DOCK6: variants seen among roughly 807,000 people sequenced by gnomAD.
DOCK6 encodes dedicator of cytokinesis 6.
Under a neutral mutation model 230.3 loss-of-function variants are expected in DOCK6, and 167 were observed. The ratio of observed to expected loss-of-function variants is 0.73; its 90% CI spans 0.64 to 0.82. The LOEUF (loss-of-function observed/expected upper bound fraction) is 0.82, where lower values mean the gene tolerates loss of function less well. Ranked by LOEUF, DOCK6 falls within the 40% of genes least tolerant of loss-of-function variation. The pLI is 0.00. For synonymous variants in DOCK6, 1,148 were observed against 1,185.0 expected, an observed-to-expected ratio of 0.97 and a Z score of 0.64; for missense variants, 2,598 against 2,825.8, an observed-to-expected ratio of 0.92 and a Z score of 1.83.
chr19:11,213,621 T>TC (rs1465999351), intron 34 of DOCK6, among the ~76,000 whole-genome samples: 1 of 151,576 alleles, frequency 6.6e-6, no homozygotes, highest in Non-Finnish European at 1.5e-5. Flanking sequence ...CCTTTTTTTT[T>TC]TTTTTTTTTG....
At chr19:11,241,801 G>A (rs2079950319) in intron 14 of DOCK6, 5 of 1,505,394 alleles carry the variant, frequency 3.3e-6, no homozygotes, top group South Asian at 1.2e-5. Flanking sequence ...AGGGCGCCGG[G>A]CCCCACTTCT....
chr19:11,237,030 G>A (rs1324307892), intron 18 of DOCK6, 151 bp from the exon 19 acceptor site: 1 of 722,824 alleles, frequency 1.4e-6, no homozygotes, highest in African/African-American at 1.8e-5. Flanking sequence ...GGTCCCAGTA[G>A]ACTGAGAGGG....
intron 47 of DOCK6, 49 bp from the exon 48 acceptor site, chr19:11,199,588 C>T (rs375871462): frequency 7.6e-5 from 117 of 1,538,096 alleles, no homozygotes; most frequent in Middle Eastern, 6.7e-4. Context: ...GCCCCCAACT[C>T]CATAGACCTC....
intron 30 of DOCK6, among the ~76,000 whole-genome samples, chr19:11,216,489 C>T (rs575712378): frequency 1.0e-3 from 154 of 151,976 alleles, no homozygotes; most frequent in Admixed American, 2.1e-3. Context: ...CTCACTGCAA[C>T]CTCCACCTCC....
rs757786510 is a variant in DOCK6 at position 11,243,318 on chromosome 19, G to A, written c.1326C>T (p.Asp442=). 1.4e-5 allele frequency: 22 copies of A among 1,600,732 alleles called. No homozygotes were observed. The highest frequency in any genetic ancestry group is 1.8e-5 in the Non-Finnish European group (21 of 1,174,464). ...GPQDRASSGD[D]ACSFSGFRPA... ...GACGGAAGCCAGAGAAGCTGCAGGC[G>A]TCGTCCCCACTACTCGCCCGGTCCT... Residue 442 remains aspartate, a synonymous_variant, in exon 12 of 48, where the codon GAC becomes GAT. Transcript: ENST00000294618. The surrounding 1 kb of genome is among the most constrained non-coding windows in gnomAD (Gnocchi z 6.3).
rs529575712 is a variant in DOCK6, at chr19:11,242,398, G to C, written c.1481-191C>G. Among the ~76,000 whole-genome samples the C allele has an allele frequency of 4.0e-5, 6 of 151,800 alleles. No homozygotes were observed. In the East Asian group the frequency reaches 1.2e-3, roughly 29 times the overall value. On this transcript the variant is annotated intron_variant, in intron 13 of 47. Coordinates refer to ENST00000294618, the MANE Select transcript of DOCK6 (RefSeq NM_020812.4). The stretch of plus-strand genomic sequence containing the variant: ...TCACCCTAAATTTTTTTTCGTTTTT[G>C]TTTTTCTTTTTTTTAAGTGGAGTCA...
At chr19:11,254,183 C>G (rs941964083) in intron 1 of DOCK6, 1 of 155,876 alleles carries the variant, frequency 6.4e-6, no homozygotes, top group African/African-American at 2.4e-5. Flanking sequence ...CCTCAGTTTA[C>G]CCTTCTGTAG....
In DOCK6 at chr19:11,200,772, G is replaced by C. The variant is rs1238926990; in HGVS notation, c.5883C>G (p.Pro1961=). 6.2e-7 allele frequency: 1 copy of C among 1,613,456 alleles called. No individual in the cohort carries two copies. Among genetic ancestry groups the C allele is most frequent in the Non-Finnish European group, 8.5e-7 (1 of 1,179,612 alleles). ...ATTTGTTGTGATGCCGGAAGAGCTT[G>C]GGGTCTTCCGGGATCTCTGCTAAAA... ...QVFLAEIPED[P]KLFRHHNKLR... is the part of the protein sequence containing the mutation. Residue 1961 remains proline (P), a synonymous_variant, in exon 46 of 48, where the codon CCC becomes CCG. Transcript: ENST00000294618. This position sits in a 1 kb window ranked among gnomAD's most constrained non-coding sequence, Gnocchi z 4.3.
intron 41 of DOCK6, chr19:11,203,736 G>T: frequency 2.5e-6 from 1 of 403,958 alleles, no homozygotes; most frequent in East Asian, 4.4e-5. Context: ...AGAGCCACGT[G>T]ATAGACTGGG....
In DOCK6 at chr19:11,222,741, G is replaced by C. The variant is rs752151606; in HGVS notation, c.3234C>G (p.Thr1078=). The part of the protein sequence containing the change: ...ASPSPSVSST[T]SQSSTFSSQA... Reference sequence around the variant, plus strand: ...AGAAGTGAAGGCAGCCCACCTGGGAGGTGGTGGAGGACACAGAGGGGGAGG... The same window carrying C: ...AGAAGTGAAGGCAGCCCACCTGGGACGTGGTGGAGGACACAGAGGGGGAGG... Residue 1078 remains threonine, a synonymous_variant, in exon 26 of 48, where the codon ACC becomes ACG. Transcript: ENST00000294618. The surrounding 1 kb of genome is among the most constrained non-coding windows in gnomAD (Gnocchi z 4.0). 5 of 1,569,318 alleles carry C rather than the reference G, an allele frequency of 3.2e-6. No homozygotes were observed. Among genetic ancestry groups the C allele is most frequent in the Non-Finnish European group, 3.5e-6 (4 of 1,156,490 alleles).
chr19:11,211,700 A>G (rs2079388981), intron 37 of DOCK6, 76 bp downstream of exon 37: 1 of 1,196,286 alleles, frequency 8.4e-7, no homozygotes. Context: ...CTCCTTAGAC[A>G]TCTACTCTCA....
intron 34 of DOCK6, 67 bp from the exon 35 acceptor site, chr19:11,213,395 C>A: frequency 6.4e-7 from 1 of 1,555,318 alleles, no homozygotes. Context: ...GGGGACTGGC[C>A]CAAATGAGGA....
chr19:11,245,470 T>G (rs2080017107), intron 9 of DOCK6, 93 bp downstream of exon 9: 1 of 1,330,380 alleles, frequency 7.5e-7, no homozygotes, highest in African/African-American at 1.5e-5. Flanking sequence ...CTGATTACCC[T>G]TCTTGGTGAT....
chr19:11,250,840 G>C, intron 6 of DOCK6, 34 bp downstream of exon 6: 1 of 1,583,512 alleles, frequency 6.3e-7, no homozygotes. Flanking sequence ...CCCAGTAAAT[G>C]CTGGTTGGCT....
At position 11,253,694 on chromosome 19, in the gene DOCK6, G is replaced by C; in HGVS notation, c.77C>G (p.Ser26Cys). The change falls in exon 2 of 48, where the codon TCC becomes TGC. Residue 26 changes from serine (S) to cysteine (C), a missense_variant. Coordinates refer to ENST00000294618, the MANE Select transcript of DOCK6 (RefSeq NM_020812.4). ...GTGGGGGGAGCCACTGCGTTCCCGG[G>C]ACACCTGCTTCCGCACCTCTGCGGC... ...TVAAEVRKQVSRERSGSPHSS... is the reference protein window; with the variant it reads ...TVAAEVRKQVCRERSGSPHSS... 6 of 1,472,386 alleles carry C rather than the reference G, an allele frequency of 4.1e-6. No individual in the cohort carries two copies. Among genetic ancestry groups the C allele is most frequent in the Non-Finnish European group, 5.4e-6 (6 of 1,119,490 alleles). 91.2% of individuals were successfully genotyped at this position (1,472,386 alleles called of 1,614,324 possible).
intron 18 of DOCK6, 168 bp from the exon 19 acceptor site, chr19:11,237,047 G>A: frequency 1.5e-6 from 1 of 653,690 alleles, no homozygotes; most frequent in East Asian, 2.8e-5. Flanking sequence ...AGGGTCCACT[G>A]GGCAGGCTGG....
intron 13 of DOCK6, 112 bp downstream of exon 13, chr19:11,242,947 C>G: frequency 8.1e-7 from 1 of 1,233,754 alleles, no homozygotes; most frequent in South Asian, 1.2e-5. Context: ...ATTTGTCCAT[C>G]ATGGTCATCG....
In DOCK6 at chr19:11,200,448, T is replaced by C; in HGVS notation, c.5961A>G (p.Lys1987=). The change falls in exon 47 of 48, where the codon AAA becomes AAG. Residue 1987 remains lysine, a synonymous_variant. Transcript: ENST00000294618. The surrounding 1 kb of genome is among the most constrained non-coding windows in gnomAD (Gnocchi z 4.3). ...GGTCCGGCCCAATCAGGGCCTTATT[T>C]TTCCGCAGCGCATCCTCACATCTGA... ...FCKKCEDALR[K]NKALIGPDQK... is the part of the protein sequence containing the mutation. 1 of 1,611,554 alleles carries C rather than the reference T, an allele frequency of 6.2e-7. No homozygotes were observed.
chr19:11,217,890 T>G (rs1049234848), intron 28 of DOCK6, among the ~76,000 whole-genome samples: 3 of 151,990 alleles, frequency 2.0e-5, no homozygotes, highest in Non-Finnish European at 2.9e-5. Context: ...CTTGCTCTGT[T>G]GCCCCGGCTG....
Sources: allele counts gnomAD v4.1 joint callset (sites outside exome capture counted in the v4.1 genomes callset), GRCh38; gene constraint gnomAD v4.1.1; non-coding constraint Gnocchi (gnomAD v3.1); transcripts MANE v1.5; gene names NCBI Gene and HGNC (gene_info 2026-07-23, HGNC 2026-07-21).